Variants in THSD7B observed in about 807,000 individuals in gnomAD.
THSD7B encodes the protein thrombospondin type-1 domain-containing protein 7B.
THSD7B carries 138 observed loss-of-function variants against 213.6 expected under a neutral mutation model. That is an observed-to-expected ratio of 0.65 (90% CI 0.56 to 0.74). The LOEUF is 0.74. Ranked by LOEUF, THSD7B falls within the 30% of genes least tolerant of loss-of-function variation. The pLI, the probability that THSD7B is intolerant of heterozygous loss-of-function variation, is 0.00. For synonymous variants in THSD7B, 742 were observed against 687.0 expected (o/e 1.08, Z -1.25); for missense variants, 1,931 against 1,991.5 (o/e 0.97, Z 0.58).
chr2:136,947,981 T>A (rs1226927913), intron 2 of THSD7B, among the ~76,000 whole-genome samples: 1 of 152,224 alleles, frequency 6.6e-6, no homozygotes, highest in Non-Finnish European at 1.5e-5. Flanking sequence ...CTGTCACCTT[T>A]ACTCACGCCT....
At chr2:136,902,465 G>A (rs1187524932) in intron 2 of THSD7B, among the ~76,000 whole-genome samples, 3 of 152,174 alleles carry the variant, frequency 2.0e-5, no homozygotes, top group South Asian at 2.1e-4. Context: ...GAAAAATGAC[G>A]GCAGGAAGAC....
At chr2:137,601,277 C>T (rs976631055) in intron 17 of THSD7B, among the ~76,000 whole-genome samples, 1 of 152,182 alleles carries the variant, frequency 6.6e-6, no homozygotes, top group African/African-American at 2.4e-5. Flanking sequence ...TCACTCACTG[C>T]TCACTCACTG....
intron 15 of THSD7B, among the ~76,000 whole-genome samples, chr2:137,470,117 T>C (rs1688064685): frequency 6.6e-6 from 1 of 152,212 alleles, no homozygotes; most frequent in African/African-American, 2.4e-5. Flanking sequence ...GATGACACTT[T>C]ATTGGCATAG....
chr2:137,052,453 T>A (rs912902314), intron 2 of THSD7B, among the ~76,000 whole-genome samples: 2 of 152,124 alleles, frequency 1.3e-5, no homozygotes, highest in Non-Finnish European at 2.9e-5. Flanking sequence ...TGTCTGTTTT[T>A]TTCACTAGGC....
At chr2:137,468,763 T>C (rs1688040372) in intron 15 of THSD7B, among the ~76,000 whole-genome samples, 2 of 152,122 alleles carry the variant, frequency 1.3e-5, no homozygotes, top group East Asian at 3.9e-4. Flanking sequence ...GATTCCGTTT[T>C]TGGCCTTATA....
rs976596886 is a variant in THSD7B at position 137,310,562 on chromosome 2, G to T, written c.2500+34536G>T. Among the ~76,000 whole-genome samples, 22 of 151,276 alleles carry T rather than the reference G, an allele frequency of 1.5e-4. 1 individual carries two copies. The highest frequency in any genetic ancestry group is 7.3e-5 in the African/African-American group (3 of 41,156). ...TGTTGCCATTGCTTTTGGTGTTTTA[G>T]ACATGAAGTCCTTGCCCGTGCCTAT... is the stretch of plus-strand genomic sequence containing the variant. On this transcript the variant is annotated intron_variant, in intron 12 of 27. Coordinates refer to ENST00000409968, the MANE Select transcript of THSD7B (RefSeq NM_001316349.2).
intron 2 of THSD7B, among the ~76,000 whole-genome samples, chr2:136,936,413 A>G (rs2105054635): frequency 6.6e-6 from 1 of 152,328 alleles, no homozygotes; most frequent in East Asian, 1.9e-4. Flanking sequence ...AAAATGTGGA[A>G]CCAACCCAAA....
chr2:137,211,053 C>T (rs1681091781), intron 7 of THSD7B, among the ~76,000 whole-genome samples: 1 of 151,898 alleles, frequency 6.6e-6, no homozygotes, highest in Non-Finnish European at 1.5e-5. Context: ...TACTTCCCTC[C>T]ACCTGTTAAA....
At chr2:137,003,823 T>C (rs577881871) in intron 2 of THSD7B, among the ~76,000 whole-genome samples, 1 of 152,144 alleles carries the variant, frequency 6.6e-6, no homozygotes, top group Non-Finnish European at 1.5e-5. Flanking sequence ...TCACAAAGCA[T>C]TGAAGTAAGT....
rs1315295702 is a variant in THSD7B at position 137,057,079 on chromosome 2, C to A, written c.799C>A (p.Leu267Met). The A allele has an allele frequency of 1.2e-6, 2 of 1,613,928 alleles. No individual in the cohort carries two copies. Among genetic ancestry groups the A allele is most frequent in the East Asian group, 2.2e-5 (1 of 44,858 alleles). The change falls in exon 3 of 28, where the codon CTG (leucine) becomes ATG (methionine). Residue 267 changes from leucine (L) to methionine (M), a missense_variant. Coordinates refer to ENST00000409968, the MANE Select transcript of THSD7B (RefSeq NM_001316349.2). ...KEINPSGRTV[L>M]DFNSDSNERV... is the part of the protein sequence containing the mutation. Reference sequence around the variant, plus strand: ...AATTAATCCAAGCGGAAGAACTGTTCTGGATTTTAACTCTGATTCAAATGA... The same window carrying A: ...AATTAATCCAAGCGGAAGAACTGTTATGGATTTTAACTCTGATTCAAATGA...
At chr2:137,668,789 G>A (rs764894759) in intron 27 of THSD7B, among the ~76,000 whole-genome samples, 6 of 152,174 alleles carry the variant, frequency 3.9e-5, no homozygotes, top group South Asian at 2.1e-4. Context: ...AAAAGAAAAT[G>A]TAATTAAGAA....
intron 2 of THSD7B, among the ~76,000 whole-genome samples, chr2:136,936,946 T>C (rs1684744770): frequency 6.6e-6 from 1 of 152,152 alleles, no homozygotes; most frequent in African/African-American, 2.4e-5. Context: ...TTCCCCTTTT[T>C]AATGACTTAA....
chr2:137,027,287 T>C (rs753230793), intron 2 of THSD7B, among the ~76,000 whole-genome samples: 4 of 152,172 alleles, frequency 2.6e-5, no homozygotes, highest in Non-Finnish European at 4.4e-5. Flanking sequence ...GGAAGGTCTT[T>C]CTGGTTGGCG....
intron 17 of THSD7B, among the ~76,000 whole-genome samples, chr2:137,589,014 A>G (rs867216888): frequency 2.0e-5 from 3 of 152,110 alleles, no homozygotes; most frequent in Admixed American, 6.5e-5. Context: ...TTCTGACCTC[A>G]GGTGATCTGC....
chr2:137,113,794 C>G (rs1688396848), intron 4 of THSD7B, among the ~76,000 whole-genome samples: 1 of 152,022 alleles, frequency 6.6e-6, no homozygotes, highest in Admixed American at 6.5e-5. Context: ...GTCTGCACTC[C>G]AAACTCTTGT....
chr2:137,278,815 T>C (rs1443777414), intron 12 of THSD7B, among the ~76,000 whole-genome samples: 1 of 152,070 alleles, frequency 6.6e-6, no homozygotes, highest in East Asian at 1.9e-4. Context: ...AAAGCACTTA[T>C]CCGGATTCAT....
At chr2:137,614,211 C>A (rs901442960) in intron 17 of THSD7B, among the ~76,000 whole-genome samples, 4 of 152,114 alleles carry the variant, frequency 2.6e-5, no homozygotes. Context: ...CTATACCCAT[C>A]AGACTTATAC....
intron 5 of THSD7B, among the ~76,000 whole-genome samples, chr2:137,129,865 G>C (rs2104951896): frequency 6.6e-6 from 1 of 152,310 alleles, no homozygotes; most frequent in Middle Eastern, 3.4e-3. Context: ...TTATGAAATA[G>C]TCCTAATTCT....
intron 9 of THSD7B, among the ~76,000 whole-genome samples, chr2:137,237,476 T>G (rs1460893653): frequency 1.3e-5 from 2 of 152,208 alleles, no homozygotes; most frequent in Admixed American, 1.3e-4. Context: ...TTACTGTTAC[T>G]AAACGTTTAC....
Sources: allele counts gnomAD v4.1 joint callset (sites outside exome capture counted in the v4.1 genomes callset), GRCh38; gene constraint gnomAD v4.1.1; transcripts MANE v1.5; gene names NCBI Gene and HGNC (gene_info 2026-07-23, HGNC 2026-07-21).